KCNH1: variants seen among roughly 807,000 people sequenced by gnomAD.
The protein encoded by KCNH1 is voltage-gated delayed rectifier potassium channel KCNH1.
A neutral mutation model predicts 69.2 loss-of-function variants in KCNH1; 27 were observed. The observed-to-expected ratio is 0.39, with a 90% confidence interval of 0.29 to 0.54. The LOEUF (loss-of-function observed/expected upper bound fraction) is 0.54. Among genes scored for constraint, KCNH1 ranks in the 20% least tolerant of loss-of-function variants. The pLI is 0.68. For missense variants in KCNH1, 798 were observed against 1,261.6 expected (o/e 0.63, Z 5.57); for synonymous variants, 456 against 487.7 (o/e 0.93, Z 0.86).
At chr1:210,974,254 A>G (rs1388767059) in intron 6 of KCNH1, among the ~76,000 whole-genome samples, 1 of 152,122 alleles carries the variant, frequency 6.6e-6, no homozygotes, top group Non-Finnish European at 1.5e-5. Flanking sequence ...ATTTTATTTA[A>G]TGATTTTTCT....
chr1:210,743,922 A>C (rs1014202632), intron 10 of KCNH1, among the ~76,000 whole-genome samples: 2 of 152,200 alleles, frequency 1.3e-5, no homozygotes, highest in Non-Finnish European at 2.9e-5. Flanking sequence ...CTCAAGCTCC[A>C]CTTCCCAGGG....
At chr1:210,774,512 A>G (rs1463524946) in intron 10 of KCNH1, among the ~76,000 whole-genome samples, 2 of 152,208 alleles carry the variant, frequency 1.3e-5, no homozygotes, top group Admixed American at 6.5e-5. Context: ...CAATGTAAAT[A>G]GGAACCGTGA....
chr1:211,112,457 A>C (rs138474423), intron 1 of KCNH1, among the ~76,000 whole-genome samples: 4,965 of 151,432 alleles, frequency 0.033, 151 homozygotes, highest in Admixed American at 0.077. Flanking sequence ...TGCCCTCCCC[A>C]AGTTTGCATT....
At chr1:210,998,062 C>A (rs956226726) in intron 6 of KCNH1, among the ~76,000 whole-genome samples, 44 of 152,158 alleles carry the variant, frequency 2.9e-4, no homozygotes, top group Non-Finnish European at 5.7e-4. Flanking sequence ...AAAAACATGC[C>A]AAGTTGTAAA....
chr1:210,727,535 G>A (rs1416585778), intron 10 of KCNH1, among the ~76,000 whole-genome samples: 2 of 152,128 alleles, frequency 1.3e-5, no homozygotes, highest in Non-Finnish European at 2.9e-5. Context: ...AGGAAATAGT[G>A]GGTAGGGTGT....
chr1:210,787,618 G>A (rs1684129201), intron 9 of KCNH1, among the ~76,000 whole-genome samples: 1 of 152,180 alleles, frequency 6.6e-6, no homozygotes, highest in Non-Finnish European at 1.5e-5. Context: ...TGACTTTGAG[G>A]AGAAGATAGG....
At chr1:210,942,188 A>G (rs552360120) in intron 6 of KCNH1, among the ~76,000 whole-genome samples, 2 of 152,352 alleles carry the variant, frequency 1.3e-5, no homozygotes, top group South Asian at 4.1e-4. Context: ...ATCAATAACC[A>G]AAACTTTTGA....
intron 10 of KCNH1, among the ~76,000 whole-genome samples, chr1:210,693,754 C>T (rs1025932497): frequency 1.3e-5 from 2 of 152,202 alleles, no homozygotes; most frequent in African/African-American, 4.8e-5. Context: ...TGGTGGCCAT[C>T]TTCTTTTGAC....
chr1:211,078,467 C>G (rs938066970), intron 5 of KCNH1, among the ~76,000 whole-genome samples: 1 of 152,184 alleles, frequency 6.6e-6, no homozygotes, highest in Admixed American at 6.5e-5. Context: ...AAGAAACTCA[C>G]TCAAAACCGC....
intron 6 of KCNH1, among the ~76,000 whole-genome samples, chr1:210,950,003 G>C (rs1238160987): frequency 6.6e-6 from 1 of 152,204 alleles, no homozygotes; most frequent in East Asian, 1.9e-4. Context: ...AGAAGCCAGT[G>C]AGGAAAAGAT....
intron 7 of KCNH1, among the ~76,000 whole-genome samples, chr1:210,836,111 C>CAAAAAAA (rs776429016): frequency 1.1e-4 from 10 of 93,360 alleles, no homozygotes; most frequent in Admixed American, 3.9e-4. Context: ...GTCTCCGTCT[C>CAAAAAAA]AAAAAAAAAA....
At chr1:210,766,937 A>G (rs886620443) in intron 10 of KCNH1, among the ~76,000 whole-genome samples, 10 of 152,228 alleles carry the variant, frequency 6.6e-5, no homozygotes, top group African/African-American at 1.9e-4. Flanking sequence ...AGTTATTGTT[A>G]TCAGAGGAGA....
At chr1:211,129,667 G>A (rs990880072) in intron 1 of KCNH1, among the ~76,000 whole-genome samples, 7 of 152,118 alleles carry the variant, frequency 4.6e-5, no homozygotes, top group Non-Finnish European at 8.8e-5. Context: ...ATTCCCCCTT[G>A]TAGAGGCACA....
At chr1:210,966,923 T>G (rs1688416132) in intron 6 of KCNH1, among the ~76,000 whole-genome samples, 1 of 152,248 alleles carries the variant, frequency 6.6e-6, no homozygotes. Context: ...ACATGTATGT[T>G]TATTGTGGCA....
At chr1:210,850,024 T>G (rs972562878) in intron 7 of KCNH1, among the ~76,000 whole-genome samples, 12 of 151,852 alleles carry the variant, frequency 7.9e-5, no homozygotes, top group Non-Finnish European at 1.3e-4. Flanking sequence ...AAAAGAAAAT[T>G]TTAGCATCTC....
chr1:211,053,018 T>C (rs141822148), intron 5 of KCNH1, among the ~76,000 whole-genome samples: 5 of 152,314 alleles, frequency 3.3e-5, no homozygotes, highest in East Asian at 3.9e-4. Flanking sequence ...CATAAAAAAA[T>C]AGATAATTTC....
intron 10 of KCNH1, among the ~76,000 whole-genome samples, chr1:210,727,423 T>C (rs999471312): frequency 3.9e-5 from 6 of 152,146 alleles, no homozygotes; most frequent in Non-Finnish European, 8.8e-5. Context: ...GGTCTTGAAC[T>C]CCTGGCCTCA....
intron 3 of KCNH1, among the ~76,000 whole-genome samples, chr1:211,093,303 C>T (rs1057359885): frequency 3.9e-5 from 6 of 152,152 alleles, no homozygotes; most frequent in Non-Finnish European, 8.8e-5. Context: ...CCCCTCTTAA[C>T]AGGTCCATTT....
At position 211,133,853 on chromosome 1, in the gene KCNH1, A is replaced by T. The variant is rs1254993116; in HGVS notation, c.79+14T>A. Reference sequence around the variant, plus strand: ...AAAACGCCCGGGTAATCGAAATCCGAATGCACCTCTTACCATTGGACCGCC... The same window carrying T: ...AAAACGCCCGGGTAATCGAAATCCGTATGCACCTCTTACCATTGGACCGCC... On this transcript the variant is annotated intron_variant, in intron 1 of 10. Transcript: ENST00000271751. This position sits in a 1 kb window ranked among gnomAD's most constrained non-coding sequence, Gnocchi z 5.4. 6.2e-7 allele frequency: 1 copy of T among 1,604,030 alleles called. No individual in the cohort carries two copies. The highest frequency in any genetic ancestry group is 2.3e-5 in the East Asian group (1 of 43,558).
Sources: gnomAD v4.1 joint callset for allele counts (sites outside exome capture counted in the v4.1 genomes callset) on GRCh38, gnomAD v4.1.1 for gene constraint, Gnocchi (gnomAD v3.1) non-coding constraint, MANE v1.5 for transcripts, NCBI Gene and HGNC (gene_info 2026-07-23, HGNC 2026-07-21) for gene names.